The following HSF1 variants were observed in gnomAD, a reference collection of about 807,000 sequenced individuals.
HSF1 encodes the protein heat shock transcription factor 1.
Under a neutral mutation model 51.7 loss-of-function variants are expected in HSF1, and 32 were observed. The ratio of observed to expected loss-of-function variants is 0.62; its 90% CI spans 0.47 to 0.83. The LOEUF (loss-of-function observed/expected upper bound fraction) is 0.83, where lower values mean the gene tolerates loss of function less well. HSF1 is among the 40% of genes least tolerant of loss of function. HSF1 has a pLI of 0.00. For missense variants in HSF1, 727 were observed against 717.0 expected (o/e 1.01, Z -0.16); for synonymous variants, 396 against 309.7 (o/e 1.28, Z -2.92).
chr8:144,307,428 G>A (rs1035057322), intron 1 of HSF1, among the ~76,000 whole-genome samples: 2 of 152,226 alleles, frequency 1.3e-5, no homozygotes, highest in Admixed American at 6.5e-5. Flanking sequence ...GATGGAGTGG[G>A]AATAGGGCAT....
intron 1 of HSF1, among the ~76,000 whole-genome samples, chr8:144,300,829 C>G (rs1280614050): frequency 6.6e-6 from 1 of 151,616 alleles, no homozygotes; most frequent in Admixed American, 6.6e-5. Flanking sequence ...AACAATGTGT[C>G]TAATGTTCTT....
intron 12 of HSF1, 34 bp from the exon 13 acceptor site, chr8:144,314,091 A>ACCC: frequency 8.7e-7 from 1 of 1,151,580 alleles, no homozygotes; most frequent in Non-Finnish European, 1.2e-6. Flanking sequence ...TCTGCCCCCA[A>ACCC]CCCCCCACCG....
intron 1 of HSF1, among the ~76,000 whole-genome samples, chr8:144,302,558 T>C (rs938346082): frequency 3.3e-5 from 5 of 151,248 alleles, no homozygotes; most frequent in Non-Finnish European, 7.4e-5. Context: ...CTGAGCATGG[T>C]AGCTGACACC....
Position 144,314,457 on chromosome 8 carries a change from C to T in HSF1, c.*127C>T. On this transcript the variant is annotated 3_prime_UTR_variant, in exon 13 of 13. Coordinates refer to ENST00000528838, the MANE Select transcript of HSF1 (RefSeq NM_005526.4). ...GCCGCCATAGCCCCAGTAGGACAAA[C>T]GGGCTCGGGTCTGGGCAGCACCTCT... The T allele has an allele frequency of 2.6e-6, 2 of 765,334 alleles. No homozygotes were observed. The highest frequency in any genetic ancestry group is 4.3e-6 in the Non-Finnish European group (2 of 468,954). The allele number at this position is 765,334 out of a possible 1,614,324, so 47.4% of individuals were successfully genotyped here.
At chr8:144,303,746 C>G (rs1816042079) in intron 1 of HSF1, among the ~76,000 whole-genome samples, 1 of 152,104 alleles carries the variant, frequency 6.6e-6, no homozygotes, top group Admixed American at 6.6e-5. Context: ...GGCGTGGTGG[C>G]ACATGCCTGT....
chr8:144,309,033 C>T lies in HSF1; in HGVS notation c.226+19C>T. 1 of 1,585,156 alleles carries T rather than the reference C, an allele frequency of 6.3e-7. No homozygotes were observed. The highest frequency in any genetic ancestry group is 1.3e-5 in the African/African-American group (1 of 74,512). The stretch of plus-strand genomic sequence containing the variant: ...AACATGTGTGAGTGCTGCCTCCAGG[C>T]AGCGCAGGGGTGCGGGAGGCAGACC... On this transcript the variant is annotated intron_variant, in intron 2 of 12. Transcript: ENST00000528838.
chr8:144,309,113 G>T, intron 2 of HSF1, 99 bp downstream of exon 2: 1 of 987,016 alleles, frequency 1.0e-6, no homozygotes, highest in Non-Finnish European at 1.6e-6. Context: ...GGGGCGTCCT[G>T]TGCTGGCCAA....
chr8:144,309,219 G>A, intron 2 of HSF1: 1 of 666,728 alleles, frequency 1.5e-6, no homozygotes, highest in Non-Finnish European at 2.5e-6. Flanking sequence ...GGGTCCCCAT[G>A]GAAGAACCGT....
chr8:144,313,938 G>C, intron 11 of HSF1, 27 bp downstream of exon 11: 18 of 1,610,394 alleles, frequency 1.1e-5, no homozygotes, highest in Non-Finnish European at 1.4e-5. Flanking sequence ...GGGGTGAGGG[G>C]GAACGAGACC....
At position 144,311,702 on chromosome 8, in the gene HSF1, C is replaced by T. The variant is rs781893002; in HGVS notation, c.726C>T (p.Ala242=). The change falls in exon 8 of 13, where the codon GCC becomes GCT. Residue 242 remains alanine (A), a splice_region_variant and synonymous_variant. Coordinates refer to ENST00000528838, the MANE Select transcript of HSF1 (RefSeq NM_005526.4). The stretch of plus-strand genomic sequence containing the variant: ...GGACCTCCTGCCTTTGATTGCAGGC[C>T]CCCTCCCCAGCCTACAGCAGCTCCA... ...EHVHGSGPYS[A]PSPAYSSSSL... is the part of the protein sequence containing the mutation. 6.2e-7 allele frequency: 1 copy of T among 1,609,018 alleles called. No homozygotes were observed. Among genetic ancestry groups the T allele is most frequent in the Non-Finnish European group, 8.5e-7 (1 of 1,177,520 alleles).
intron 1 of HSF1, among the ~76,000 whole-genome samples, chr8:144,293,976 A>AG (rs1387405688): frequency 6.6e-6 from 1 of 151,784 alleles, no homozygotes; most frequent in African/African-American, 2.4e-5. Flanking sequence ...TGAGCAAGGA[A>AG]GGCAGGTGTG....
chr8:144,302,326 G>A (rs1815943742), intron 1 of HSF1, among the ~76,000 whole-genome samples: 1 of 150,446 alleles, frequency 6.6e-6, no homozygotes, highest in African/African-American at 2.4e-5. Context: ...GGCCAATATG[G>A]TGAAACCCCG....
chr8:144,292,902 C>T (rs1391599956), intron 1 of HSF1, among the ~76,000 whole-genome samples: 1 of 152,150 alleles, frequency 6.6e-6, no homozygotes, highest in Non-Finnish European at 1.5e-5. Context: ...GCAGAGGTTG[C>T]ACTGAACCAA....
At position 144,297,749 on chromosome 8, in the gene HSF1, G is replaced by A. The variant is rs527516199; in HGVS notation, c.117+5875G>A. 5.3e-4 allele frequency among the ~76,000 whole-genome samples: 80 copies of A among 152,328 alleles called. No individual in the cohort carries two copies. The highest frequency in any genetic ancestry group is 1.7e-3 in the African/African-American group (71 of 41,586). ...GCCGAGCCCAGGAGCCCAGATCACC[G>A]GTCAGCAGATACAGCTTTGACTTGG... On this transcript the variant is annotated intron_variant, in intron 1 of 12. Coordinates refer to ENST00000528838, the MANE Select transcript of HSF1 (RefSeq NM_005526.4). The surrounding 1 kb of genome is among the most constrained non-coding windows in gnomAD (Gnocchi z 4.6).
At chr8:144,296,024 CT>C (rs1227120935) in intron 1 of HSF1, among the ~76,000 whole-genome samples, 6 of 152,166 alleles carry the variant, frequency 3.9e-5, no homozygotes, top group Non-Finnish European at 2.9e-5. Flanking sequence ...CTGGGGCTCC[CT>C]GAGACTGAGT....
chr8:144,312,412 C>T (rs1227253637), intron 9 of HSF1, among the ~76,000 whole-genome samples, 168 bp downstream of exon 9: 2 of 152,260 alleles, frequency 1.3e-5, no homozygotes, highest in East Asian at 1.9e-4. Context: ...CCAGATCACC[C>T]CACAGTCCCA....
intron 4 of HSF1, chr8:144,310,883 G>A: frequency 4.1e-6 from 2 of 491,294 alleles, no homozygotes; most frequent in Non-Finnish European, 7.4e-6. Flanking sequence ...AGCCCTCCAG[G>A]TGTTTGCCAG....
At chr8:144,302,733 G>A (rs1815977772) in intron 1 of HSF1, among the ~76,000 whole-genome samples, 1 of 149,136 alleles carries the variant, frequency 6.7e-6, no homozygotes, top group Admixed American at 6.7e-5. Context: ...GAGGTGGGAG[G>A]ATCTCTTGAT....
chr8:144,310,639 G>T (rs1308646035), intron 4 of HSF1: 1 of 168,978 alleles, frequency 5.9e-6, no homozygotes, highest in Non-Finnish European at 1.3e-5. Context: ...AGACTCACAG[G>T]CTTGACAGGG....
Sources: allele counts gnomAD v4.1 joint callset (sites outside exome capture counted in the v4.1 genomes callset), GRCh38; gene constraint gnomAD v4.1.1; non-coding constraint Gnocchi (gnomAD v3.1); transcripts MANE v1.5; gene names NCBI Gene and HGNC (gene_info 2026-07-23, HGNC 2026-07-21).